Variants in ADARB2 observed in about 807,000 individuals in gnomAD.
ADARB2 encodes the protein inactive double-stranded RNA-specific editase B2.
In ADARB2, 25 loss-of-function variants were observed where a neutral mutation model predicts 62.2. The observed-to-expected ratio is 0.40, with a 90% CI of 0.29 to 0.56. The LOEUF (loss-of-function observed/expected upper bound fraction) is 0.56, where lower values mean the gene tolerates loss of function less well. ADARB2 is among the 20% of genes least tolerant of loss of function. The pLI is 0.43. For synonymous variants in ADARB2, 572 were observed against 500.8 expected, an observed-to-expected ratio of 1.14 and a Z score of -1.90; for missense variants, 1,071 against 1,077.4, an observed-to-expected ratio of 0.99 and a Z score of 0.08.
At chr10:1,256,307 C>G (rs1831078882) in intron 4 of ADARB2, among the ~76,000 whole-genome samples, 1 of 152,160 alleles carries the variant, frequency 6.6e-6, no homozygotes, top group African/African-American at 2.4e-5. Flanking sequence ...AAATCCTGAC[C>G]AAAAGAAGTC....
At chr10:1,678,587 A>G (rs1834498314) in intron 1 of ADARB2, among the ~76,000 whole-genome samples, 1 of 151,854 alleles carries the variant, frequency 6.6e-6, no homozygotes, top group African/African-American at 2.4e-5. Flanking sequence ...TCAGAGCTTG[A>G]AAAGACTTGG....
At chr10:1,675,573 T>C (rs1377344085) in intron 1 of ADARB2, among the ~76,000 whole-genome samples, 5 of 150,680 alleles carry the variant, frequency 3.3e-5, no homozygotes, top group African/African-American at 1.2e-4. Flanking sequence ...GAGGTTTGGG[T>C]TCAGGGATGC....
chr10:1,721,859 C>T (rs558245282), intron 1 of ADARB2, among the ~76,000 whole-genome samples: 4 of 152,230 alleles, frequency 2.6e-5, no homozygotes, highest in African/African-American at 7.2e-5. Context: ...CCAGAGAAAT[C>T]GTCTCCATCT....
intron 1 of ADARB2, among the ~76,000 whole-genome samples, chr10:1,624,304 A>T (rs959417251): frequency 2.0e-5 from 3 of 152,206 alleles, no homozygotes; most frequent in Admixed American, 6.5e-5. Flanking sequence ...ATAAGAATCC[A>T]GACTGCCTCC....
intron 4 of ADARB2, among the ~76,000 whole-genome samples, chr10:1,256,263 C>T (rs1017362764): frequency 2.6e-5 from 4 of 152,198 alleles, no homozygotes; most frequent in East Asian, 1.9e-4. Flanking sequence ...CAACTCTCCC[C>T]GCTACTTCCT....
At chr10:1,434,376 C>T (rs1050290699) in intron 1 of ADARB2, among the ~76,000 whole-genome samples, 1 of 152,180 alleles carries the variant, frequency 6.6e-6, no homozygotes, top group Non-Finnish European at 1.5e-5. Flanking sequence ...TTTCAGCTCC[C>T]GCTGGGGCCT....
chr10:1,667,493 A>G (rs948155236), intron 1 of ADARB2, among the ~76,000 whole-genome samples: 2 of 152,256 alleles, frequency 1.3e-5, no homozygotes, highest in East Asian at 1.9e-4. Context: ...CCAGGAAGAT[A>G]AATCATCCAT....
At position 1,664,903 on chromosome 10, in the gene ADARB2, T is replaced by G. The variant is rs77272356; in HGVS notation, c.100+72148A>C. On this transcript the variant is annotated intron_variant, in intron 1 of 9. Coordinates refer to ENST00000381312, the MANE Select transcript of ADARB2 (RefSeq NM_018702.4). ...GTTGCGTGGGCTTAATTGCTTAGAA[T>G]GAGATGGCAGAAGAAATGTTGAGAA... 3.4e-3 allele frequency among the ~76,000 whole-genome samples: 517 copies of G among 152,174 alleles called. 4 individuals carry two copies. The highest frequency in any genetic ancestry group is 0.012 in the African/African-American group (488 of 41,490).
chr10:1,199,536 A>C (rs1836956000), intron 8 of ADARB2: 2 of 162,436 alleles, frequency 1.2e-5, no homozygotes, highest in African/African-American at 4.8e-5. Context: ...TGGGTTCCGA[A>C]GACCCGCTCT....
In ADARB2 at chr10:1,603,689, T is replaced by C. The variant is rs1015386259; in HGVS notation, c.100+133362A>G. Reference sequence around the variant, plus strand: ...ACAGTCACATACAATTTTAGAGCTGTGATCTTTTTTTTTTTTTTACCATTT... The same window carrying C: ...ACAGTCACATACAATTTTAGAGCTGCGATCTTTTTTTTTTTTTTACCATTT... On this transcript the variant is annotated intron_variant, in intron 1 of 9. Transcript: ENST00000381312. Among the ~76,000 whole-genome samples the C allele has an allele frequency of 7.0e-5, 9 of 128,384 alleles. No homozygotes were observed. The East Asian group carries it at 2.8e-3, about 40-fold the overall frequency. 84.2% of individuals were successfully genotyped at this position (128,384 alleles called of 152,430 possible).
At chr10:1,356,945 G>T (rs1832201500) in intron 3 of ADARB2, among the ~76,000 whole-genome samples, 1 of 152,172 alleles carries the variant, frequency 6.6e-6, no homozygotes, top group East Asian at 1.9e-4. Context: ...TGAGACCTTT[G>T]CCACGACAGA....
chr10:1,578,891 G>A (rs1385205939), intron 1 of ADARB2, among the ~76,000 whole-genome samples: 1 of 152,176 alleles, frequency 6.6e-6, no homozygotes, highest in Non-Finnish European at 1.5e-5. Context: ...CCCTGGGAGA[G>A]CTTCCCCATG....
intron 1 of ADARB2, among the ~76,000 whole-genome samples, chr10:1,403,012 C>A (rs1832677938): frequency 6.6e-6 from 1 of 151,816 alleles, no homozygotes; most frequent in African/African-American, 2.4e-5. Flanking sequence ...CGGCGGAAGT[C>A]CGTCTTCCTG....
intron 5 of ADARB2, chr10:1,240,540 C>G (rs1413637638): frequency 1.3e-5 from 2 of 152,594 alleles, no homozygotes; most frequent in Non-Finnish European, 2.9e-5. Context: ...TGCCTGCACT[C>G]TGCCCACAGC....
At chr10:1,591,473 TG>T (rs1012427928) in intron 1 of ADARB2, among the ~76,000 whole-genome samples, 4 of 152,080 alleles carry the variant, frequency 2.6e-5, no homozygotes, top group African/African-American at 7.3e-5. Context: ...GGGCTGCATT[TG>T]GGGGCAGGGG....
At chr10:1,717,176 T>TTTG (rs1835030168) in intron 1 of ADARB2, among the ~76,000 whole-genome samples, 1 of 136,566 alleles carries the variant, frequency 7.3e-6, no homozygotes, top group African/African-American at 2.8e-5. Context: ...TTTTTTTTTT[T>TTTG]GCTTTTTGTT....
intron 4 of ADARB2, among the ~76,000 whole-genome samples, chr10:1,260,674 C>G (rs1234435595): frequency 1.5e-4 from 23 of 150,932 alleles, no homozygotes; most frequent in Non-Finnish European, 3.2e-4. Context: ...AATGGAAGAA[C>G]ATTCCATGCT....
intron 4 of ADARB2, among the ~76,000 whole-genome samples, chr10:1,258,309 T>G (rs1318636063): frequency 6.6e-6 from 1 of 151,990 alleles, no homozygotes; most frequent in South Asian, 2.1e-4. Flanking sequence ...CACATAACAA[T>G]ACTAACCTTA....
intron 1 of ADARB2, among the ~76,000 whole-genome samples, chr10:1,504,623 A>T (rs1831813061): frequency 1.3e-5 from 2 of 152,186 alleles, no homozygotes; most frequent in South Asian, 4.1e-4. Flanking sequence ...TTGGCTGACT[A>T]CACGGGTCAG....
Sources: gnomAD v4.1 joint callset for allele counts (sites outside exome capture counted in the v4.1 genomes callset) on GRCh38, gnomAD v4.1.1 for gene constraint, MANE v1.5 for transcripts, NCBI Gene and HGNC (gene_info 2026-07-23, HGNC 2026-07-21) for gene names.